OTUD7A: variants seen among roughly 807,000 people sequenced by gnomAD.
OTUD7A encodes OTU domain-containing protein 7A.
OTUD7A carries 12 observed loss-of-function variants against 65.7 expected under a neutral mutation model. That is an observed-to-expected ratio of 0.18 (90% CI 0.12 to 0.30). The LOEUF (loss-of-function observed/expected upper bound fraction) is 0.30. OTUD7A is among the 10% of genes least tolerant of loss of function. OTUD7A has a pLI of 1.00. For missense variants in OTUD7A, 1,148 were observed against 1,304.8 expected, an observed-to-expected ratio of 0.88 and a Z score of 1.85; for synonymous variants, 641 against 586.3, an observed-to-expected ratio of 1.09 and a Z score of -1.35.
intron 1 of OTUD7A, among the ~76,000 whole-genome samples, chr15:31,753,035 A>C (rs1273338403): frequency 6.6e-6 from 1 of 152,178 alleles, no homozygotes; most frequent in African/African-American, 2.4e-5. Context: ...AATCATTTTT[A>C]CTGTTTCATC....
At chr15:31,789,511 T>C (rs6493938) in intron 1 of OTUD7A, among the ~76,000 whole-genome samples, 150,367 of 152,328 alleles carry the variant, frequency 0.99, 74,254 homozygotes, top group East Asian at 1. Flanking sequence ...TTTCCCAAAA[T>C]TGAAATGCTT....
chr15:31,690,241 A>G (rs1892931977), intron 1 of OTUD7A, among the ~76,000 whole-genome samples: 1 of 152,344 alleles, frequency 6.6e-6, no homozygotes, highest in South Asian at 2.1e-4. Flanking sequence ...CTTAACAACT[A>G]CTTTAAGCTT....
At chr15:31,810,982 T>C (rs1434267694) in intron 1 of OTUD7A, among the ~76,000 whole-genome samples, 1 of 152,128 alleles carries the variant, frequency 6.6e-6, no homozygotes, top group East Asian at 1.9e-4. Flanking sequence ...GCAGCCTGTA[T>C]TGTGTGCCTG....
Position 31,498,397 on chromosome 15 carries a change from T to G in OTUD7A, c.1171+3293A>C, listed in dbSNP as rs1364068415. On this transcript the variant is annotated intron_variant, in intron 10 of 12. Coordinates refer to ENST00000307050, the MANE Select transcript of OTUD7A (RefSeq NM_001382637.1). This position sits in a 1 kb window ranked among gnomAD's most constrained non-coding sequence, Gnocchi z 4.2. The stretch of plus-strand genomic sequence containing the variant: ...CAGGTAACATTATCCATGAATTTCA[T>G]TTCAGGGTAATGAAGAGTACACTGG... 6.6e-6 allele frequency among the ~76,000 whole-genome samples: 1 copy of G among 152,206 alleles called. No homozygotes were observed. The highest frequency in any genetic ancestry group is 1.5e-5 in the Non-Finnish European group (1 of 68,024).
At chr15:31,672,479 C>A (rs948304655) in intron 1 of OTUD7A, among the ~76,000 whole-genome samples, 1 of 152,174 alleles carries the variant, frequency 6.6e-6, no homozygotes, top group Non-Finnish European at 1.5e-5. Context: ...TTGCTGAGTG[C>A]CCACAATTAC....
intron 1 of OTUD7A, among the ~76,000 whole-genome samples, chr15:31,853,533 G>A (rs928857427): frequency 7.2e-5 from 11 of 152,366 alleles, no homozygotes; most frequent in African/African-American, 2.2e-4. Context: ...CATGGGCCCC[G>A]CCAGGAGAAA....
chr15:31,681,935 T>C (rs113029099), intron 1 of OTUD7A, among the ~76,000 whole-genome samples: 8,795 of 151,926 alleles, frequency 0.058, 843 homozygotes, highest in African/African-American at 0.2. Flanking sequence ...GAGGCAGTTA[T>C]ATGATGCTTA....
At chr15:31,582,915 A>G (rs917966849) in intron 3 of OTUD7A, among the ~76,000 whole-genome samples, 2 of 152,222 alleles carry the variant, frequency 1.3e-5, no homozygotes, top group African/African-American at 2.4e-5. Flanking sequence ...TTCATGATCT[A>G]CTTGGCTGGC....
In OTUD7A at chr15:31,483,443, A is replaced by G; in HGVS notation, c.2653T>C (p.Cys885Arg). ...ACCGGCCCCGGGCCGCCACGGCCGC[A>G]CTCACCGTTCGAGCGCGCGGTCGGC... ...DAPTARSNGECGRGGPGPVQR... is the reference protein window; with the variant it reads ...DAPTARSNGERGRGGPGPVQR... The change falls in exon 13 of 13, where the codon TGC becomes CGC. Residue 885 changes from cysteine to arginine, a missense_variant. By Grantham distance (180) the Cys-to-Arg change is radical. Coordinates refer to ENST00000307050, the MANE Select transcript of OTUD7A (RefSeq NM_001382637.1). The G allele has an allele frequency of 7.2e-7, 1 of 1,382,304 alleles. No individual in the cohort carries two copies. Among genetic ancestry groups the G allele is most frequent in the Non-Finnish European group, 9.4e-7 (1 of 1,068,468 alleles). The allele number at this position is 1,382,304 out of a possible 1,614,324, so 85.6% of individuals were successfully genotyped here.
chr15:31,809,497 C>G (rs1896366230), intron 1 of OTUD7A, among the ~76,000 whole-genome samples: 1 of 152,178 alleles, frequency 6.6e-6, no homozygotes, highest in Admixed American at 6.5e-5. Flanking sequence ...AAAACCTGAG[C>G]AGAAACCCAG....
At chr15:31,526,259 T>TCC in intron 8 of OTUD7A, 90 bp downstream of exon 8, 1 of 1,252,914 alleles carries the variant, frequency 8.0e-7, no homozygotes, top group Non-Finnish European at 1.1e-6. Flanking sequence ...AGTCCCACAT[T>TCC]CCCCCCCGTG....
intron 1 of OTUD7A, among the ~76,000 whole-genome samples, chr15:31,845,796 T>C (rs1897280930): frequency 6.6e-6 from 1 of 152,142 alleles, no homozygotes; most frequent in Non-Finnish European, 1.5e-5. Context: ...AGGGCCTGAG[T>C]GAGCATGGAG....
intron 3 of OTUD7A, among the ~76,000 whole-genome samples, chr15:31,580,802 A>T (rs2097400944): frequency 6.6e-6 from 1 of 152,150 alleles, no homozygotes; most frequent in Non-Finnish European, 1.5e-5. Context: ...TGCCCTTGAC[A>T]CATGGGGATT....
intron 6 of OTUD7A, 101 bp downstream of exon 6, chr15:31,530,606 A>G: frequency 9.4e-7 from 1 of 1,063,138 alleles, no homozygotes; most frequent in Non-Finnish European, 1.4e-6. Context: ...GACTCTATTT[A>G]GTGTATGCTT....
chr15:31,694,533 A>G (rs1188864746), intron 1 of OTUD7A, among the ~76,000 whole-genome samples: 1 of 152,230 alleles, frequency 6.6e-6, no homozygotes. Context: ...TACAATAGTT[A>G]CCATGTTATA....
At chr15:31,506,780 G>A (rs2041577207) in intron 8 of OTUD7A, among the ~76,000 whole-genome samples, 2 of 152,196 alleles carry the variant, frequency 1.3e-5, no homozygotes, top group Non-Finnish European at 2.9e-5. Flanking sequence ...AAAGGTGCAA[G>A]CTGGATTGTC....
intron 3 of OTUD7A, among the ~76,000 whole-genome samples, chr15:31,651,469 G>A (rs1159373910): frequency 6.6e-6 from 1 of 151,838 alleles, no homozygotes; most frequent in African/African-American, 2.4e-5. Flanking sequence ...CTTCGTCAGT[G>A]AAATAAGACA....
At chr15:31,811,540 C>A (rs914719694) in intron 1 of OTUD7A, among the ~76,000 whole-genome samples, 5 of 151,604 alleles carry the variant, frequency 3.3e-5, no homozygotes, top group Non-Finnish European at 7.4e-5. Context: ...GGTGTGTGTG[C>A]GTATGTGTAT....
chr15:31,656,838 C>T (rs550059663), intron 2 of OTUD7A, 145 bp downstream of exon 2: 1 of 152,132 alleles, frequency 6.6e-6, no homozygotes, highest in Non-Finnish European at 1.5e-5. Context: ...GCTCACCTAA[C>T]GTGCAAGACC....
Sources: gnomAD v4.1 joint callset for allele counts (sites outside exome capture counted in the v4.1 genomes callset) on GRCh38, gnomAD v4.1.1 for gene constraint, Gnocchi (gnomAD v3.1) non-coding constraint, MANE v1.5 for transcripts, NCBI Gene and HGNC (gene_info 2026-07-23, HGNC 2026-07-21) for gene names.